CAST: variants seen among roughly 807,000 people sequenced by gnomAD.
CAST encodes the protein MIR583 host.
CAST carries 76 observed loss-of-function variants against 119.6 expected under a neutral mutation model. The observed-to-expected ratio is 0.64, with a 90% CI of 0.53 to 0.77. The LOEUF is 0.77. CAST is among the 30% of genes least tolerant of loss of function. The probability of loss-of-function intolerance (pLI) is 0.00; values close to 1 mark genes in which losing one functional copy is unlikely to be tolerated. For missense variants in CAST, 953 were observed against 946.5 expected, an observed-to-expected ratio of 1.01 and a Z score of -0.09; for synonymous variants, 319 against 331.6, an observed-to-expected ratio of 0.96 and a Z score of 0.41.
the CAST span, among the ~76,000 whole-genome samples, chr5:96,106,635 A>G: frequency 2.0e-5 from 3 of 147,700 alleles, no homozygotes; most frequent in African/African-American, 7.5e-5. Flanking sequence ...GGAGAGCTTT[A>G]CTTCCAACTA....
the CAST span, among the ~76,000 whole-genome samples, chr5:96,497,350 A>T: frequency 3.3e-5 from 5 of 152,158 alleles, no homozygotes; most frequent in Admixed American, 6.5e-5. Flanking sequence ...TAGCAGCATG[A>T]TTTATAATCC....
chr5:96,218,838 G>A, the CAST span, among the ~76,000 whole-genome samples: 1 of 152,184 alleles, frequency 6.6e-6, no homozygotes. Flanking sequence ...AGAACACACT[G>A]GGAGGCACCA....
the CAST span, among the ~76,000 whole-genome samples, chr5:96,464,183 A>G: frequency 1.3e-5 from 2 of 151,612 alleles, no homozygotes; most frequent in African/African-American, 2.4e-5. Flanking sequence ...TGACATTGAG[A>G]AAAAAAAACT....
intron 24 of CAST, among the ~76,000 whole-genome samples, chr5:96,759,924 A>G (rs1418792547): frequency 6.6e-6 from 1 of 152,058 alleles, no homozygotes; most frequent in Non-Finnish European, 1.5e-5. Flanking sequence ...TTATTAGGAA[A>G]CACTATGTAC....
chr5:96,252,916 A>C, the CAST span, among the ~76,000 whole-genome samples: 1 of 152,144 alleles, frequency 6.6e-6, no homozygotes, highest in Non-Finnish European at 1.5e-5. Context: ...CTGACAGTTA[A>C]GGTTTAATTC....
At chr5:95,971,869 C>T in the CAST span, among the ~76,000 whole-genome samples, 1 of 152,120 alleles carries the variant, frequency 6.6e-6, no homozygotes, top group Non-Finnish European at 1.5e-5. Flanking sequence ...TTACATTATA[C>T]CCAATTTTGG....
At chr5:96,340,010 A>G in the CAST span, among the ~76,000 whole-genome samples, 7 of 152,198 alleles carry the variant, frequency 4.6e-5, no homozygotes, top group African/African-American at 1.2e-4. Context: ...GCCTGAACTC[A>G]TGGCCTTTCA....
chr5:96,029,255 AT>A, the CAST span, among the ~76,000 whole-genome samples: 2 of 152,172 alleles, frequency 1.3e-5, no homozygotes, highest in African/African-American at 4.8e-5. Flanking sequence ...TGAATTGTGG[AT>A]TTTGGCAGAT....
chr5:96,663,753 GGA>G (rs1235757513), intron 1 of CAST, among the ~76,000 whole-genome samples: 14 of 151,982 alleles, frequency 9.2e-5, no homozygotes, highest in Non-Finnish European at 1.5e-4. Context: ...AGAGAGGGAG[GGA>G]GAGAGAGACA....
At chr5:96,617,622 T>C (rs537260348) in intron 1 of CAST, among the ~76,000 whole-genome samples, 76 of 151,016 alleles carry the variant, frequency 5.0e-4, no homozygotes, top group African/African-American at 1.4e-3. Flanking sequence ...ACCCCGTCTC[T>C]ACTAAAAATA....
chr5:96,472,006 G>T, the CAST span, among the ~76,000 whole-genome samples: 1 of 151,880 alleles, frequency 6.6e-6, no homozygotes, highest in African/African-American at 2.4e-5. Flanking sequence ...TTTGCTTCAC[G>T]GCTGTATACT....
At chr5:95,994,706 G>T in the CAST span, among the ~76,000 whole-genome samples, 8 of 152,026 alleles carry the variant, frequency 5.3e-5, no homozygotes, top group African/African-American at 1.7e-4. Context: ...AATAATAAAG[G>T]AGAAAAAGTT....
the CAST span, among the ~76,000 whole-genome samples, chr5:96,205,583 T>C: frequency 1.3e-5 from 2 of 152,116 alleles, 1 homozygote; most frequent in African/African-American, 4.8e-5. Flanking sequence ...TTTCTGTTAC[T>C]GTGTTAGTTC....
At chr5:96,263,310 G>A in the CAST span, among the ~76,000 whole-genome samples, 1 of 152,034 alleles carries the variant, frequency 6.6e-6, no homozygotes, top group Non-Finnish European at 1.5e-5. Context: ...GTGGAGAAGG[G>A]TGGGGGTTGT....
the CAST span, among the ~76,000 whole-genome samples, chr5:96,196,675 C>A: frequency 1.3e-5 from 2 of 151,962 alleles, no homozygotes; most frequent in African/African-American, 4.8e-5. Flanking sequence ...AGCACCGTTA[C>A]AATAAAAAAG....
the CAST span, among the ~76,000 whole-genome samples, chr5:96,124,830 G>C: frequency 1.4e-4 from 22 of 152,188 alleles, no homozygotes; most frequent in East Asian, 1.7e-3. Context: ...CAGAACTGAG[G>C]GTTATAGCAA....
At chr5:96,391,797 T>A in the CAST span, 2 of 152,196 alleles carry the variant, frequency 1.3e-5, no homozygotes, top group Non-Finnish European at 2.9e-5. Flanking sequence ...TGAAACATCA[T>A]ATTTTCAATA....
chr5:96,267,772 A>G, the CAST span, among the ~76,000 whole-genome samples: 1 of 152,202 alleles, frequency 6.6e-6, no homozygotes, highest in Non-Finnish European at 1.5e-5. Flanking sequence ...TACACTAACA[A>G]ACCCAGAATA....
intron 2 of CAST, among the ~76,000 whole-genome samples, chr5:96,689,074 A>G (rs1752415334): frequency 6.6e-6 from 1 of 152,178 alleles, no homozygotes; most frequent in African/African-American, 2.4e-5. Context: ...GAAAATAAGA[A>G]CAAAGACAAC....
Sources: gnomAD v4.1 joint callset for allele counts (sites outside exome capture counted in the v4.1 genomes callset) on GRCh38, gnomAD v4.1.1 for gene constraint, MANE v1.5 for transcripts, NCBI Gene and HGNC (gene_info 2026-07-23, HGNC 2026-07-21) for gene names.